Variants in ASAP2 observed in about 807,000 individuals in gnomAD.
ASAP2 encodes the protein arf-GAP with SH3 domain, ANK repeat and PH domain-containing protein 2.
Under a neutral mutation model 131.4 loss-of-function variants are expected in ASAP2, and 45 were observed. The observed-to-expected ratio is 0.34, with a 90% CI of 0.27 to 0.44. The LOEUF (loss-of-function observed/expected upper bound fraction) is 0.44. Ranked by LOEUF, ASAP2 falls within the 20% of genes least tolerant of loss-of-function variation. ASAP2 has a pLI of 1.00. For missense variants in ASAP2, 1,011 were observed against 1,297.0 expected, an observed-to-expected ratio of 0.78 and a Z score of 3.39; for synonymous variants, 510 against 503.0, an observed-to-expected ratio of 1.01 and a Z score of -0.19.
intron 3 of ASAP2, among the ~76,000 whole-genome samples, chr2:9,317,117 A>ATAACTCACATCCACATTCACACAC (rs1669749600): frequency 9.9e-6 from 1 of 101,156 alleles, no homozygotes; most frequent in Non-Finnish European, 2.1e-5. Flanking sequence ...ACCCCACGCA[A>ATAACTCACATCCACATTCACACAC]TCACAACCAC....
chr2:9,320,170 A>C (rs1384640207), intron 4 of ASAP2, 118 bp from the exon 5 acceptor site: 2 of 815,356 alleles, frequency 2.5e-6, no homozygotes, highest in African/African-American at 1.7e-5. Context: ...GTGGGATTAC[A>C]TACGTCATTT....
intron 1 of ASAP2, among the ~76,000 whole-genome samples, chr2:9,210,565 T>C (rs1263433515): frequency 1.3e-5 from 2 of 152,000 alleles, no homozygotes; most frequent in East Asian, 3.9e-4. Context: ...CCATGTGTTT[T>C]TTTTTTTGAG....
chr2:9,323,265 A>C lies in ASAP2; in HGVS notation c.600+15A>C. On this transcript the variant is annotated intron_variant, in intron 6 of 27. Transcript: ENST00000281419. ...AGATGTGCGAGGTAAGGCGGTGGTGAAGGCAGGTCCTACAGCCCAGGCTGT... is the reference window on the plus strand; with the variant it reads ...AGATGTGCGAGGTAAGGCGGTGGTGCAGGCAGGTCCTACAGCCCAGGCTGT... 11 of 1,613,992 alleles carry C rather than the reference A, an allele frequency of 6.8e-6. No individual in the cohort carries two copies. The highest frequency in any genetic ancestry group is 9.3e-6 in the Non-Finnish European group (11 of 1,179,928).
At chr2:9,368,577 C>T in intron 16 of ASAP2, 58 bp downstream of exon 16, 2 of 1,481,534 alleles carry the variant, frequency 1.3e-6, no homozygotes, top group Non-Finnish European at 1.9e-6. Context: ...TTGCCCGAGC[C>T]CCGGGAGGCA....
intron 20 of ASAP2, among the ~76,000 whole-genome samples, chr2:9,384,942 C>A (rs928170489): frequency 6.6e-6 from 1 of 152,232 alleles, no homozygotes; most frequent in Non-Finnish European, 1.5e-5. Context: ...GATTCTGTCT[C>A]CTGAGGCCTT....
intron 7 of ASAP2, 65 bp from the exon 8 acceptor site, chr2:9,334,671 AAT>A (rs1174933267): frequency 8.2e-6 from 12 of 1,470,356 alleles, no homozygotes. Context: ...AGAAGTTTTT[AAT>A]CTGTCTGACA....
At chr2:9,359,027 T>C (rs1672905756) in intron 15 of ASAP2, 138 bp downstream of exon 15, 7 of 1,080,640 alleles carry the variant, frequency 6.5e-6, no homozygotes, top group Non-Finnish European at 9.1e-6. Flanking sequence ...TAGAAACTCA[T>C]TGATAATTCT....
chr2:9,228,301 G>A (rs1003102576), intron 1 of ASAP2, among the ~76,000 whole-genome samples: 3 of 152,180 alleles, frequency 2.0e-5, no homozygotes, highest in Admixed American at 2.0e-4. Flanking sequence ...CTGTCATGGT[G>A]AGTATTCCAG....
At chr2:9,258,332 G>GT (rs769009726) in intron 1 of ASAP2, among the ~76,000 whole-genome samples, 3,250 of 112,434 alleles carry the variant, frequency 0.029, 150 homozygotes, top group African/African-American at 0.076. Context: ...GTAATCAGTA[G>GT]TTGTTTTTTT....
chr2:9,351,388 C>G (rs1220610165), intron 12 of ASAP2, among the ~76,000 whole-genome samples: 1 of 152,178 alleles, frequency 6.6e-6, no homozygotes, highest in Non-Finnish European at 1.5e-5. Flanking sequence ...TGTGCTTTTC[C>G]TTTTTGTGGC....
intron 3 of ASAP2, 102 bp from the exon 4 acceptor site, chr2:9,318,422 G>T (rs1440495007): frequency 8.5e-6 from 7 of 820,196 alleles, no homozygotes; most frequent in Non-Finnish European, 1.4e-5. Context: ...GTTTTAGGTG[G>T]AGGTGAATCA....
rs917419251 is a variant in ASAP2, at chr2:9,232,025, G to C, written c.126+24795G>C. Among the ~76,000 whole-genome samples, 1 of 152,286 alleles carries C rather than the reference G, an allele frequency of 6.6e-6. No individual in the cohort carries two copies. Among genetic ancestry groups the C allele is most frequent in the Admixed American group, 6.5e-5 (1 of 15,306 alleles). ...CTCCATTCCTCCAGCTGCAGTGGGT[G>C]CCCCTGTCATTTGTCAGCCAGAGCA... On this transcript the variant is annotated intron_variant, in intron 1 of 27. Transcript: ENST00000281419. The surrounding 1 kb of genome is among the most constrained non-coding windows in gnomAD (Gnocchi z 4.1).
rs533365723 is a variant in ASAP2, at chr2:9,356,104, C to T, written c.1160+9C>T. The T allele has an allele frequency of 2.4e-4, 390 of 1,614,166 alleles. 3 individuals are homozygous for T. Among genetic ancestry groups the T allele is most frequent in the South Asian group, 2.3e-3 (206 of 91,082 alleles). The stretch of plus-strand genomic sequence containing the variant: ...GAACAGGAATGTCAAATGTAAGTTA[C>T]ATGGTGGTGGGACTTTGGGCTGGAC... On this transcript the variant is annotated intron_variant, in intron 13 of 27. Coordinates refer to ENST00000281419, the MANE Select transcript of ASAP2 (RefSeq NM_003887.3).
chr2:9,207,663 C>G lies in ASAP2; in HGVS notation c.126+433C>G, dbSNP rs1024716807. On this transcript the variant is annotated intron_variant, in intron 1 of 27. Coordinates refer to ENST00000281419, the MANE Select transcript of ASAP2 (RefSeq NM_003887.3). This position sits in a 1 kb window ranked among gnomAD's most constrained non-coding sequence, Gnocchi z 4.1. ...CGCGCTCCGAGCTCCCCGCCGCAGC[C>G]CCCGAGCGCCGCAGGGCCCCCACCC... Among the ~76,000 whole-genome samples, 134 of 152,056 alleles carry G rather than the reference C, an allele frequency of 8.8e-4. 1 individual carries two copies. Among genetic ancestry groups the G allele is most frequent in the Non-Finnish European group, 1.1e-3 (76 of 67,962 alleles).
At position 9,403,374 on chromosome 2, in the gene ASAP2, T is replaced by C. The variant is rs766304814; in HGVS notation, c.*47T>C. 3 of 1,579,674 alleles carry C rather than the reference T, an allele frequency of 1.9e-6. No individual in the cohort carries two copies. Among genetic ancestry groups the C allele is most frequent in the Non-Finnish European group, 2.6e-6 (3 of 1,150,022 alleles). ...TAACAGTTATGTTCCTGTTTCGTTA[T>C]TGGTACCAAAACTCTTGCCAGATAA... On this transcript the variant is annotated 3_prime_UTR_variant, in exon 28 of 28. Coordinates refer to ENST00000281419, the MANE Select transcript of ASAP2 (RefSeq NM_003887.3).
intron 2 of ASAP2, among the ~76,000 whole-genome samples, chr2:9,283,330 G>A (rs541423354): frequency 2.0e-5 from 3 of 152,208 alleles, no homozygotes; most frequent in Non-Finnish European, 4.4e-5. Context: ...CACCAGCCTC[G>A]GCCTCCCTGT....
intron 3 of ASAP2, among the ~76,000 whole-genome samples, chr2:9,317,910 TATACTC>T (rs1194553291): frequency 6.6e-6 from 1 of 152,116 alleles, no homozygotes; most frequent in Non-Finnish European, 1.5e-5. Flanking sequence ...CATTCACTCT[TATACTC>T]AAGCACAGTC....
At chr2:9,269,192 TAATG>T (rs1666163763) in intron 1 of ASAP2, among the ~76,000 whole-genome samples, 2 of 151,764 alleles carry the variant, frequency 1.3e-5, no homozygotes, top group East Asian at 1.9e-4. Flanking sequence ...ATAAAAATAA[TAATG>T]GAGTACAATT....
At chr2:9,331,976 C>A (rs187800265) in intron 7 of ASAP2, among the ~76,000 whole-genome samples, 44 of 152,104 alleles carry the variant, frequency 2.9e-4, no homozygotes, top group African/African-American at 9.9e-4. Context: ...CAGCAGACAC[C>A]GCATTGGAAT....
Sources: allele counts gnomAD v4.1 joint callset (sites outside exome capture counted in the v4.1 genomes callset), GRCh38; gene constraint gnomAD v4.1.1; non-coding constraint Gnocchi (gnomAD v3.1); transcripts MANE v1.5; gene names NCBI Gene and HGNC (gene_info 2026-07-23, HGNC 2026-07-21).